CRISPLD2: variants seen among roughly 807,000 people sequenced by gnomAD.
CRISPLD2 encodes cysteine-rich secretory protein LCCL domain-containing 2.
A neutral mutation model predicts 71.1 loss-of-function variants in CRISPLD2; 47 were observed. The ratio of observed to expected loss-of-function variants is 0.66; its 90% confidence interval spans 0.52 to 0.84. The LOEUF is 0.84. Among genes scored for constraint, CRISPLD2 ranks in the 40% least tolerant of loss-of-function variants. The pLI is 0.00. For synonymous variants in CRISPLD2, 317 were observed against 250.1 expected (o/e 1.27, Z -2.52); for missense variants, 830 against 651.1 (o/e 1.27, Z -2.99).
intron 11 of CRISPLD2, among the ~76,000 whole-genome samples, chr16:84,876,453 G>T (rs2071519001): frequency 6.6e-6 from 1 of 151,982 alleles, no homozygotes; most frequent in Admixed American, 6.6e-5. Flanking sequence ...AGTGAGCCAA[G>T]ATCATGCCAT....
At chr16:84,847,869 G>C (rs1273181832) in intron 3 of CRISPLD2, among the ~76,000 whole-genome samples, 1 of 152,170 alleles carries the variant, frequency 6.6e-6, no homozygotes, top group Admixed American at 6.5e-5. Flanking sequence ...AATTTTCAGT[G>C]ATACAGTTGT....
At chr16:84,826,629 G>A (rs554310308) in intron 1 of CRISPLD2, among the ~76,000 whole-genome samples, 45 of 152,180 alleles carry the variant, frequency 3.0e-4, no homozygotes, top group Middle Eastern at 3.4e-3. Flanking sequence ...TTTATTCCCC[G>A]GGACCTGCGA....
At chr16:84,894,167 A>G (rs151111410) in intron 14 of CRISPLD2, among the ~76,000 whole-genome samples, 8 of 152,252 alleles carry the variant, frequency 5.3e-5, no homozygotes, top group African/African-American at 9.6e-5. Context: ...AACATAAGAG[A>G]CTAGCACCTG....
intron 6 of CRISPLD2, among the ~76,000 whole-genome samples, chr16:84,864,315 C>T (rs1411447238): frequency 6.6e-6 from 1 of 152,230 alleles, no homozygotes; most frequent in East Asian, 1.9e-4. Flanking sequence ...AGAGCCAGGA[C>T]TGTCTGTCTG....
chr16:84,869,083 G>A (rs557775753), intron 8 of CRISPLD2, among the ~76,000 whole-genome samples, 172 bp downstream of exon 8: 5 of 152,318 alleles, frequency 3.3e-5, no homozygotes, highest in South Asian at 2.1e-4. Flanking sequence ...GCATGTGTTC[G>A]CCTCGGCCGT....
intron 11 of CRISPLD2, among the ~76,000 whole-genome samples, chr16:84,874,360 T>C (rs959248594): frequency 6.6e-6 from 1 of 152,236 alleles, no homozygotes; most frequent in African/African-American, 2.4e-5. Context: ...GATAGATTAG[T>C]AATGTCTGCC....
intron 7 of CRISPLD2, among the ~76,000 whole-genome samples, chr16:84,868,222 G>C (rs560460001): frequency 6.6e-6 from 1 of 152,360 alleles, no homozygotes; most frequent in African/African-American, 2.4e-5. Flanking sequence ...GCTTTGACCA[G>C]GAAACCTGCG....
At position 84,907,019 on chromosome 16, in the gene CRISPLD2, T is replaced by C. The variant is rs145887553; in HGVS notation, c.*377T>C. 4.4e-3 allele frequency: 1,227 copies of C among 279,768 alleles called. 5 individuals carry two copies. The highest frequency in any genetic ancestry group is 6.1e-3 in the Non-Finnish European group (888 of 145,036). 17.3% of individuals were successfully genotyped at this position (279,768 alleles called of 1,614,324 possible). On this transcript the variant is annotated 3_prime_UTR_variant, in exon 15 of 15. Coordinates refer to ENST00000262424, the MANE Select transcript of CRISPLD2 (RefSeq NM_031476.4). Reference sequence around the variant, plus strand: ...CCTCCCTGCCAAAAGAACAAACCATTTGAAGCTCACAATTGTGAAGCATTC... The same window carrying C: ...CCTCCCTGCCAAAAGAACAAACCATCTGAAGCTCACAATTGTGAAGCATTC...
At chr16:84,903,598 T>TA (rs10557896) in intron 14 of CRISPLD2, among the ~76,000 whole-genome samples, 301 of 136,148 alleles carry the variant, frequency 2.2e-3, no homozygotes, top group African/African-American at 4.7e-3. Flanking sequence ...TCTTAAAATT[T>TA]AAAAAAAAAA....
At chr16:84,868,487 G>A (rs1917602980) in intron 7 of CRISPLD2, among the ~76,000 whole-genome samples, 1 of 152,196 alleles carries the variant, frequency 6.6e-6, no homozygotes, top group Admixed American at 6.5e-5. Flanking sequence ...GCCCTGCAGA[G>A]CCCTGTGGGA....
chr16:84,841,517 T>C (rs1186700132), intron 2 of CRISPLD2, among the ~76,000 whole-genome samples: 1 of 151,862 alleles, frequency 6.6e-6, no homozygotes, highest in Admixed American at 6.6e-5. Flanking sequence ...AATAGAGTTT[T>C]GGTATTGCTG....
chr16:84,863,992 GAA>G (rs890297473), intron 6 of CRISPLD2, among the ~76,000 whole-genome samples: 14 of 112,474 alleles, frequency 1.2e-4, no homozygotes, highest in Admixed American at 9.4e-4. Context: ...AAGAGAGAGA[GAA>G]AAAAAAAGAA....
chr16:84,831,170 G>A (rs892995964), intron 1 of CRISPLD2, among the ~76,000 whole-genome samples: 2 of 152,144 alleles, frequency 1.3e-5, no homozygotes, highest in African/African-American at 4.8e-5. Context: ...CCATGGAAGA[G>A]GACAGAGCTC....
intron 6 of CRISPLD2, among the ~76,000 whole-genome samples, chr16:84,855,796 C>T (rs1241951122): frequency 1.3e-5 from 2 of 152,202 alleles, no homozygotes; most frequent in East Asian, 3.8e-4. Context: ...TAACATAATA[C>T]AACCATCCTT....
intron 14 of CRISPLD2, among the ~76,000 whole-genome samples, chr16:84,889,578 G>A (rs2071643320): frequency 9.0e-6 from 1 of 111,340 alleles, no homozygotes; most frequent in South Asian, 3.4e-4. Flanking sequence ...ATCACATTTG[G>A]GATTAAGAAA....
chr16:84,849,303 C>T (rs573927241), intron 3 of CRISPLD2, 82 bp from the exon 4 acceptor site: 9 of 1,397,336 alleles, frequency 6.4e-6, no homozygotes, highest in South Asian at 5.6e-5. Context: ...CTCCCTCCCT[C>T]CTACCTGCCC....
At chr16:84,837,435 G>A (rs1483212593) in intron 1 of CRISPLD2, among the ~76,000 whole-genome samples, 4 of 98,778 alleles carry the variant, frequency 4.0e-5, no homozygotes, top group Non-Finnish European at 6.3e-5. Flanking sequence ...TTTTTTTTCT[G>A]AGACGGAGTC....
intron 5 of CRISPLD2, among the ~76,000 whole-genome samples, chr16:84,852,752 G>T (rs1360405603): frequency 6.6e-6 from 1 of 152,094 alleles, no homozygotes; most frequent in South Asian, 2.1e-4. Flanking sequence ...TGTGAGGGAA[G>T]GTACTTCACG....
chr16:84,852,257 G>T (rs1454589522), intron 5 of CRISPLD2, among the ~76,000 whole-genome samples: 2 of 152,212 alleles, frequency 1.3e-5, no homozygotes, highest in African/African-American at 2.4e-5. Context: ...GGGATTTGGG[G>T]AGACACATAA....
Sources: gnomAD v4.1 joint callset for allele counts (sites outside exome capture counted in the v4.1 genomes callset) on GRCh38, gnomAD v4.1.1 for gene constraint, MANE v1.5 for transcripts, NCBI Gene and HGNC (gene_info 2026-07-23, HGNC 2026-07-21) for gene names.